Variants in CREBZF observed in about 807,000 individuals in gnomAD.
CREBZF encodes CREB/ATF bZIP transcription factor.
Under a neutral mutation model 21.1 loss-of-function variants are expected in CREBZF, and 8 were observed. The ratio of observed to expected loss-of-function variants is 0.38; its 90% CI spans 0.22 to 0.68. CREBZF has a LOEUF of 0.68. Among genes scored for constraint, CREBZF ranks in the 30% least tolerant of loss-of-function variants. The pLI is 0.51. For missense variants in CREBZF, 518 were observed against 484.3 expected (o/e 1.07, Z -0.65); for synonymous variants, 270 against 223.3 (o/e 1.21, Z -1.86).
chr11:85,662,327 G>A lies in CREBZF; in HGVS notation c.*1484C>T. The stretch of plus-strand genomic sequence containing the variant: ...GAAAATACTTTTTAATTATGAACAT[G>A]TTAAAAATAAAAAACAGCAGAAGCC... On this transcript the variant is annotated 3_prime_UTR_variant, in exon 1 of 1. Coordinates refer to ENST00000527447, the MANE Select transcript of CREBZF (RefSeq NM_001039618.4). 1.5e-6 allele frequency: 1 copy of A among 689,284 alleles called. No individual in the cohort carries two copies. The highest frequency in any genetic ancestry group is 2.7e-6 in the Non-Finnish European group (1 of 370,056). 42.7% of individuals were successfully genotyped at this position (689,284 alleles called of 1,614,324 possible).
chr11:85,677,407 T>G (rs2082949738), intron 1 of CREBZF, among the ~76,000 whole-genome samples: 1 of 152,190 alleles, frequency 6.6e-6, no homozygotes. Flanking sequence ...ATCCAAACAA[T>G]TCTACACATT....
At position 85,663,958 on chromosome 11, in the gene CREBZF, G is replaced by A. The variant is rs528927037; in HGVS notation, c.918C>T (p.Tyr306=). The A allele has an allele frequency of 5.8e-5, 94 of 1,613,780 alleles. 1 individual carries two copies. In the South Asian group the frequency reaches 9.9e-4, roughly 17 times the overall value. Residue 306 remains tyrosine (Y), a synonymous_variant, in exon 1 of 1, where the codon TAC becomes TAT. Coordinates refer to ENST00000527447, the MANE Select transcript of CREBZF (RefSeq NM_001039618.4). ...GCTTCTGCTTTCCCACCGGCAGAGC[G>A]TAGTCGTGGTCACCGGCGGGCGAGT... ...FRDSPAGDHD[Y]ALPVGKQKQD...
chr11:85,673,847 A>G (rs185463468), intron 1 of CREBZF, among the ~76,000 whole-genome samples: 401 of 152,366 alleles, frequency 2.6e-3, no homozygotes, highest in South Asian at 4.3e-3. Context: ...CAATGTTCAC[A>G]GCATCTTCAC....
chr11:85,680,128 A>G (rs2082967339), intron 1 of CREBZF, among the ~76,000 whole-genome samples: 1 of 152,158 alleles, frequency 6.6e-6, no homozygotes, highest in Admixed American at 6.5e-5. Context: ...TTGCATGCTA[A>G]TACCCCTCTC....
chr11:85,681,971 T>G (rs925968483), intron 1 of CREBZF, among the ~76,000 whole-genome samples: 6 of 152,184 alleles, frequency 3.9e-5, no homozygotes, highest in African/African-American at 1.4e-4. Context: ...GTTTGTATAC[T>G]GGGAGAAAGC....
chr11:85,665,261 T>C (rs2082843381), upstream of CREBZF, among the ~76,000 whole-genome samples: 1 of 152,154 alleles, frequency 6.6e-6, no homozygotes, highest in Admixed American at 6.5e-5. Flanking sequence ...GCGGCAAAAA[T>C]AACAAGTCTC....
At chr11:85,671,166 T>C (rs1330950636) in intron 1 of CREBZF, among the ~76,000 whole-genome samples, 3 of 152,216 alleles carry the variant, frequency 2.0e-5, no homozygotes, top group East Asian at 3.9e-4. Context: ...ATGTCTTACA[T>C]GGCAGTAGGC....
chr11:85,672,212 C>T (rs953309498), intron 1 of CREBZF, among the ~76,000 whole-genome samples: 2 of 152,242 alleles, frequency 1.3e-5, no homozygotes, highest in African/African-American at 2.4e-5. Flanking sequence ...CTGGAGCATG[C>T]GGGATGCAGG....
At chr11:85,674,523 T>C (rs1341262330) in intron 1 of CREBZF, among the ~76,000 whole-genome samples, 1 of 152,232 alleles carries the variant, frequency 6.6e-6, no homozygotes, top group Admixed American at 6.5e-5. Flanking sequence ...CCTAGGATTT[T>C]TGGAAGGGTA....
upstream of CREBZF, among the ~76,000 whole-genome samples, chr11:85,667,964 T>C (rs2082884054): frequency 7.3e-6 from 1 of 136,070 alleles, no homozygotes; most frequent in African/African-American, 2.9e-5. Flanking sequence ...AGTAAGACTA[T>C]GTAAAAAAAA....
At chr11:85,671,463 CAA>C (rs1329104300) in intron 1 of CREBZF, among the ~76,000 whole-genome samples, 7 of 152,184 alleles carry the variant, frequency 4.6e-5, no homozygotes, top group African/African-American at 1.7e-4. Context: ...AGCATTAACT[CAA>C]AAGTCCACAG....
In CREBZF at chr11:85,678,075, A is replaced by G. The variant is rs952392285; in HGVS notation, n.147+4642T>C. Among the ~76,000 whole-genome samples, 8 of 152,174 alleles carry G rather than the reference A, an allele frequency of 5.3e-5. No individual in the cohort carries two copies. The South Asian group carries it at 8.3e-4, about 16-fold the overall frequency. On this transcript the variant is annotated intron_variant and non_coding_transcript_variant, in intron 1 of 3. Coordinates refer to the CREBZF transcript ENST00000531515. ...CAGTGTTTCACTCAATTGTGGTTAT[A>G]TATTTTTCATCTTTGGCCATTGAGA...
chr11:85,674,268 G>A (rs1043168353), intron 1 of CREBZF, among the ~76,000 whole-genome samples: 1 of 152,236 alleles, frequency 6.6e-6, no homozygotes, highest in Non-Finnish European at 1.5e-5. Flanking sequence ...CAGAATGGAT[G>A]TTGTGTAAGC....
upstream of CREBZF, among the ~76,000 whole-genome samples, chr11:85,666,460 T>G: frequency 6.6e-6 from 1 of 152,228 alleles, no homozygotes; most frequent in Non-Finnish European, 1.5e-5. Context: ...AAAAATTGTT[T>G]CCTGACAGCC....
At chr11:85,675,139 A>T (rs1312297876) in intron 1 of CREBZF, among the ~76,000 whole-genome samples, 1 of 152,192 alleles carries the variant, frequency 6.6e-6, no homozygotes, top group Non-Finnish European at 1.5e-5. Context: ...TCATGTGTTT[A>T]CAGAAGTGGC....
intron 1 of CREBZF, among the ~76,000 whole-genome samples, chr11:85,670,298 TTC>T (rs2082903549): frequency 2.8e-5 from 2 of 70,644 alleles, no homozygotes; most frequent in Non-Finnish European, 4.5e-5. Flanking sequence ...AGATCTCAAG[TTC>T]TTTTTTTTTT....
chr11:85,662,482 T>C lies in CREBZF; in HGVS notation c.*1329A>G, dbSNP rs1288189457. On this transcript the variant is annotated 3_prime_UTR_variant, in exon 1 of 1. Coordinates refer to ENST00000527447, the MANE Select transcript of CREBZF (RefSeq NM_001039618.4). ...ACTTTAGCACAAAGAAAAACAAGGA[T>C]GCTAAATACGTATATACTTTATCAA... is the stretch of plus-strand genomic sequence containing the variant. 1 of 715,168 alleles carries C rather than the reference T, an allele frequency of 1.4e-6. No homozygotes were observed. Among genetic ancestry groups the C allele is most frequent in the Non-Finnish European group, 2.6e-6 (1 of 384,134 alleles). 44.3% of individuals were successfully genotyped at this position (715,168 alleles called of 1,614,324 possible).
At chr11:85,671,895 C>T (rs1027865144) in intron 1 of CREBZF, among the ~76,000 whole-genome samples, 1 of 152,182 alleles carries the variant, frequency 6.6e-6, no homozygotes, top group Non-Finnish European at 1.5e-5. Flanking sequence ...GGATGGTGAC[C>T]CTCTTCTCAC....
Position 85,658,401 on chromosome 11 carries a change from TAA to T in CREBZF, c.*5408_*5409del, listed in dbSNP as rs1275524123. Among the ~76,000 whole-genome samples, 1 of 152,042 alleles carries T rather than the reference TAA, an allele frequency of 6.6e-6. No homozygotes were observed. Among genetic ancestry groups the T allele is most frequent in the Non-Finnish European group, 1.5e-5 (1 of 67,896 alleles). On this transcript the variant is annotated 3_prime_UTR_variant, in exon 1 of 1. Coordinates refer to ENST00000527447, the MANE Select transcript of CREBZF (RefSeq NM_001039618.4). ...ATATCTGTCCTCTGCCACATATTTT[TAA>T]ATTATCTTTTCCATTAGCAGAAATG...
Sources: gnomAD v4.1 joint callset for allele counts (sites outside exome capture counted in the v4.1 genomes callset) on GRCh38, gnomAD v4.1.1 for gene constraint, MANE v1.5 for transcripts, NCBI Gene and HGNC (gene_info 2026-07-23, HGNC 2026-07-21) for gene names.